Variants in SUGT1 observed in about 807,000 individuals in gnomAD.
SUGT1 encodes protein SGT1 homolog.
In SUGT1, 15 loss-of-function variants were observed where a neutral mutation model predicts 56.1. That is an observed-to-expected ratio of 0.27 (90% CI 0.18 to 0.41). The LOEUF (loss-of-function observed/expected upper bound fraction) is 0.41. Ranked by LOEUF, SUGT1 falls within the 10% of genes least tolerant of loss-of-function variation. SUGT1 has a pLI of 1.00. For missense variants in SUGT1, 347 were observed against 382.2 expected (o/e 0.91, Z 0.77); for synonymous variants, 123 against 128.6 (o/e 0.96, Z 0.30).
intron 10 of SUGT1, among the ~76,000 whole-genome samples, chr13:52,675,235 A>T (rs573038472): frequency 3.9e-5 from 6 of 152,304 alleles, no homozygotes; most frequent in African/African-American, 1.2e-4. Context: ...AACTTTCTTA[A>T]AGTATCTCAC....
intron 10 of SUGT1, among the ~76,000 whole-genome samples, chr13:52,669,567 A>T (rs1173753241): frequency 6.6e-6 from 1 of 152,194 alleles, no homozygotes; most frequent in Non-Finnish European, 1.5e-5. Context: ...ACGTAGATAC[A>T]CTTCTGATTG....
chr13:52,693,811 T>C lies in SUGT1; in HGVS notation c.*5976T>C, dbSNP rs963582352. On this transcript the variant is annotated 3_prime_UTR_variant, in exon 13 of 13. Coordinates refer to ENST00000310528, the MANE Select transcript of SUGT1 (RefSeq NM_006704.5). ...ATAGTCACATTTTGCAGCAGAAATA[T>C]TAAATGTTTAATTATAGAATGCTAG... The C allele has an allele frequency of 6.6e-6, 1 of 152,196 alleles. No individual in the cohort carries two copies. The highest frequency in any genetic ancestry group is 2.4e-5 in the African/African-American group (1 of 41,450). 9.4% of individuals were successfully genotyped at this position (152,196 alleles called of 1,614,324 possible).
At chr13:52,684,818 A>T (rs1963512682) in intron 12 of SUGT1, among the ~76,000 whole-genome samples, 1 of 151,754 alleles carries the variant, frequency 6.6e-6, no homozygotes, top group South Asian at 2.1e-4. Flanking sequence ...ATGAGCCACC[A>T]CGCCTGGCCT....
intron 10 of SUGT1, among the ~76,000 whole-genome samples, chr13:52,673,520 C>T (rs753569357): frequency 1.3e-5 from 2 of 152,206 alleles, no homozygotes; most frequent in Admixed American, 6.5e-5. Context: ...TCAGCTGAAG[C>T]AGGTTGTTAC....
At chr13:52,667,486 A>G (rs1962758745) in intron 10 of SUGT1, among the ~76,000 whole-genome samples, 1 of 152,138 alleles carries the variant, frequency 6.6e-6, no homozygotes, top group African/African-American at 2.4e-5. Context: ...CTGGGACTAC[A>G]GGCATGCACC....
At chr13:52,661,619 CT>C in intron 5 of SUGT1, 1 of 413,980 alleles carries the variant, frequency 2.4e-6, no homozygotes, top group Non-Finnish European at 4.8e-6. Flanking sequence ...TTAAGTTAAA[CT>C]TTTAGGCTTC....
In SUGT1 at chr13:52,694,768, C is replaced by G. The variant is rs543204782; in HGVS notation, c.*6933C>G. On this transcript the variant is annotated 3_prime_UTR_variant, in exon 13 of 13. Transcript: ENST00000310528. ...GCAGTGGCGCCATTTTGGCTCACTG[C>G]AAGCTCCGCCTCCCGGTTCACGCCA... The G allele has an allele frequency of 2.0e-5, 3 of 152,304 alleles. No homozygotes were observed. The highest frequency in any genetic ancestry group is 4.4e-5 in the Non-Finnish European group (3 of 68,098). 9.4% of individuals were successfully genotyped at this position (152,304 alleles called of 1,614,324 possible). A position where few individuals can be genotyped will look rare whatever the true frequency, so the allele number is the denominator to read the frequency against.
In SUGT1 at chr13:52,660,559, A is replaced by G. The variant is rs1407924831; in HGVS notation, c.328+1310A>G. Among the ~76,000 whole-genome samples the G allele has an allele frequency of 2.6e-5, 4 of 152,202 alleles. No individual in the cohort carries two copies. The South Asian group carries it at 6.2e-4, about 24-fold the overall frequency. ...TTGCCTTTCTGTTGTGTACCTATTC[A>G]GAAAAAAGGATTTTAGCACTGATTA... On this transcript the variant is annotated intron_variant, in intron 5 of 12. Coordinates refer to ENST00000310528, the MANE Select transcript of SUGT1 (RefSeq NM_006704.5).
In SUGT1 at chr13:52,656,961, A is replaced by G. The variant is rs141844018; in HGVS notation, c.97-571A>G. 3.3e-3 allele frequency among the ~76,000 whole-genome samples: 508 copies of G among 152,352 alleles called. 3 individuals carry two copies. Among genetic ancestry groups the G allele is most frequent in the African/African-American group, 0.011 (457 of 41,578 alleles). ...CTAATGTTAACTCTTGGTAGTTGAC[A>G]TAGCCATCTATTAGATTGTATCTGG... On this transcript the variant is annotated intron_variant, in intron 2 of 12. Coordinates refer to ENST00000310528, the MANE Select transcript of SUGT1 (RefSeq NM_006704.5).
At chr13:52,673,411 C>T (rs1356737301) in intron 10 of SUGT1, among the ~76,000 whole-genome samples, 1 of 151,822 alleles carries the variant, frequency 6.6e-6, no homozygotes, top group East Asian at 1.9e-4. Context: ...CACACCTGGC[C>T]CCTTTTACCT....
At chr13:52,673,426 A>T (rs539639607) in intron 10 of SUGT1, among the ~76,000 whole-genome samples, 19 of 152,206 alleles carry the variant, frequency 1.2e-4, no homozygotes, top group African/African-American at 4.3e-4. Flanking sequence ...TTACCTTTTT[A>T]AAAAAGCTAC....
rs1962314650 is a variant in SUGT1 at position 52,659,310 on chromosome 13, G to A, written c.328+61G>A. The A allele has an allele frequency of 3.8e-6, 4 of 1,042,290 alleles. No individual in the cohort carries two copies. The African/African-American group carries it at 5.1e-5, about 13-fold the overall frequency. 64.6% of individuals were successfully genotyped at this position (1,042,290 alleles called of 1,614,324 possible). On this transcript the variant is annotated intron_variant, in intron 5 of 12. Coordinates refer to ENST00000310528, the MANE Select transcript of SUGT1 (RefSeq NM_006704.5). ...TATTTCTGTCTTAAATACCAAAGCT[G>A]AATTTTGGTAATGTTAATTTCAAGT...
intron 2 of SUGT1, among the ~76,000 whole-genome samples, chr13:52,655,493 T>C (rs2138102431): frequency 6.6e-6 from 1 of 152,236 alleles, no homozygotes; most frequent in South Asian, 2.1e-4. Flanking sequence ...GCACAAGGGA[T>C]AGTGGATAGC....
rs373690427 is a variant in SUGT1, at chr13:52,687,815, A to G, written c.982A>G (p.Met328Val). The G allele has an allele frequency of 1.9e-5, 30 of 1,601,470 alleles. No individual in the cohort carries two copies. Among genetic ancestry groups the G allele is most frequent in the Non-Finnish European group, 4.3e-6 (5 of 1,174,922 alleles). Reference protein sequence around the residue: ...RKVEINPPDDMEWKKY With the variant: ...RKVEINPPDDVEWKKY ...AGTTGAAATCAATCCTCCTGATGAT[A>G]TGGAATGGAAAAAGTACTAAATAAA... Residue 328 changes from methionine to valine, a missense_variant, in exon 13 of 13, where the codon ATG becomes GTG. By Grantham distance (21) the Met-to-Val change is conservative. Transcript: ENST00000310528.
chr13:52,677,627 G>T (rs77113789), intron 11 of SUGT1, among the ~76,000 whole-genome samples: 6,618 of 152,182 alleles, frequency 0.043, 197 homozygotes, highest in Admixed American at 0.098. Flanking sequence ...GCTCAGAAAA[G>T]TTAAGCTCAA....
rs1228762742 is a variant in SUGT1, at chr13:52,694,663, A to G, written c.*6828A>G. The G allele has an allele frequency of 6.6e-6, 1 of 152,208 alleles. No homozygotes were observed. Among genetic ancestry groups the G allele is most frequent in the Non-Finnish European group, 1.5e-5 (1 of 68,044 alleles). 9.4% of individuals were successfully genotyped at this position (152,208 alleles called of 1,614,324 possible). On this transcript the variant is annotated 3_prime_UTR_variant, in exon 13 of 13. Coordinates refer to ENST00000310528, the MANE Select transcript of SUGT1 (RefSeq NM_006704.5). Reference sequence around the variant, plus strand: ...GATTGTCTTGTTATTCCCATCAGTGAAAAGAAGCTGATATTTGTTTGTGTT... The same window carrying G: ...GATTGTCTTGTTATTCCCATCAGTGGAAAGAAGCTGATATTTGTTTGTGTT...
rs1378502346 is a variant in SUGT1, at chr13:52,700,702, A to G, written c.*12867A>G. On this transcript the variant is annotated 3_prime_UTR_variant, in exon 13 of 13. Coordinates refer to ENST00000310528, the MANE Select transcript of SUGT1 (RefSeq NM_006704.5). The stretch of plus-strand genomic sequence containing the variant: ...CGCTTTTAGGACTGTCTATGCATGT[A>G]GACTTTGGTCAACTCTCTCCTCCTC... 2 of 152,186 alleles carry G rather than the reference A, an allele frequency of 1.3e-5. No homozygotes were observed. Among genetic ancestry groups the G allele is most frequent in the African/African-American group, 2.4e-5 (1 of 41,438 alleles). 9.4% of individuals were successfully genotyped at this position (152,186 alleles called of 1,614,324 possible).
chr13:52,686,587 G>A (rs548461635), intron 12 of SUGT1, among the ~76,000 whole-genome samples: 8 of 152,270 alleles, frequency 5.3e-5, no homozygotes, highest in Admixed American at 1.3e-4. Context: ...ATGCAAAAAA[G>A]CCCATGTAAG....
chr13:52,687,724 T>C lies in SUGT1; in HGVS notation c.901-10T>C. On this transcript the variant is annotated splice_polypyrimidine_tract_variant and intron_variant, in intron 12 of 12. Transcript: ENST00000310528. The stretch of plus-strand genomic sequence containing the variant: ...TCCAGGAATTAATCTATTTTTATTT[T>C]TCATTGCAGATGGAGTCGGGTGGTA... 1 of 1,569,482 alleles carries C rather than the reference T, an allele frequency of 6.4e-7. No homozygotes were observed. The highest frequency in any genetic ancestry group is 8.6e-7 in the Non-Finnish European group (1 of 1,163,832).
Sources: allele counts gnomAD v4.1 joint callset (sites outside exome capture counted in the v4.1 genomes callset), GRCh38; gene constraint gnomAD v4.1.1; transcripts MANE v1.5; gene names NCBI Gene and HGNC (gene_info 2026-07-23, HGNC 2026-07-21).